The following ABLIM1 variants were observed in gnomAD, a reference collection of about 807,000 sequenced individuals.
ABLIM1 encodes actin-binding LIM protein 1.
In ABLIM1, 40 loss-of-function variants were observed where a neutral mutation model predicts 107.0. That is an observed-to-expected ratio of 0.37 (90% CI 0.29 to 0.49). The LOEUF (loss-of-function observed/expected upper bound fraction) is 0.49, where lower values mean the gene tolerates loss of function less well. Among genes scored for constraint, ABLIM1 ranks in the 20% least tolerant of loss-of-function variants. The probability of loss-of-function intolerance (pLI) is 0.97; values close to 1 mark genes in which losing one functional copy is unlikely to be tolerated. For synonymous variants in ABLIM1, 357 were observed against 357.3 expected (o/e 1.00, Z 0.01); for missense variants, 857 against 1,008.5 (o/e 0.85, Z 2.04).
chr10:114,571,461 C>T, intron 3 of ABLIM1, 55 bp from the exon 4 acceptor site: 1 of 1,541,782 alleles, frequency 6.5e-7, no homozygotes, highest in Non-Finnish European at 9.0e-7. Flanking sequence ...CATTCCTTTT[C>T]CTTATTCCTT....
At chr10:114,543,841 C>A (rs1372514590) in intron 6 of ABLIM1, among the ~76,000 whole-genome samples, 1 of 152,182 alleles carries the variant, frequency 6.6e-6, no homozygotes, top group Non-Finnish European at 1.5e-5. Context: ...GGTATTGCTC[C>A]CTCTTCCCAG....
At chr10:114,791,310 T>G in the ABLIM1 span, among the ~76,000 whole-genome samples, 3 of 152,306 alleles carry the variant, frequency 2.0e-5, no homozygotes, top group East Asian at 5.8e-4. Context: ...GCTCATCGTC[T>G]GCTTTTAAAG....
intron 6 of ABLIM1, among the ~76,000 whole-genome samples, chr10:114,517,619 G>A (rs1416867697): frequency 6.6e-6 from 1 of 152,162 alleles, no homozygotes; most frequent in Admixed American, 6.5e-5. Flanking sequence ...GGCGGGGAGG[G>A]GGGCCACAGT....
intron 1 of ABLIM1, among the ~76,000 whole-genome samples, chr10:114,639,802 G>T (rs768307678): frequency 6.6e-6 from 1 of 152,236 alleles, no homozygotes; most frequent in Non-Finnish European, 1.5e-5. Context: ...CATGTGAACA[G>T]ATGAGATGCG....
intron 6 of ABLIM1, among the ~76,000 whole-genome samples, chr10:114,536,223 C>CTTTCTTTTTTTCTTTTTTTTT: frequency 1.2e-5 from 1 of 80,428 alleles, no homozygotes; most frequent in Admixed American, 1.3e-4. Context: ...TTCCTTCTTT[C>CTTTCTTTTTTTCTTTTTTTTT]TTTGTTTTTT....
chr10:114,531,806 GC>G (rs1374642421), intron 6 of ABLIM1, among the ~76,000 whole-genome samples: 1 of 151,162 alleles, frequency 6.6e-6, no homozygotes, highest in Non-Finnish European at 1.5e-5. Context: ...GTGAGCCACC[GC>G]CCTCCACCAG....
At chr10:114,545,776 A>G (rs765095051) in intron 5 of ABLIM1, among the ~76,000 whole-genome samples, 1 of 151,748 alleles carries the variant, frequency 6.6e-6, no homozygotes, top group Non-Finnish European at 1.5e-5. Flanking sequence ...AAAAAAATAC[A>G]AAAATTAGCC....
intron 8 of ABLIM1, among the ~76,000 whole-genome samples, chr10:114,477,246 C>A (rs981539115): frequency 3.9e-5 from 6 of 152,126 alleles, no homozygotes; most frequent in African/African-American, 1.4e-4. Context: ...ATATTGAGAT[C>A]AAGTAGCAGA....
At chr10:114,715,860 T>A (rs1020225478) in intron 1 of ABLIM1, among the ~76,000 whole-genome samples, 6 of 152,208 alleles carry the variant, frequency 3.9e-5, no homozygotes, top group African/African-American at 1.4e-4. Context: ...AATTATTTCA[T>A]TTGCATAAGG....
chr10:114,519,518 G>A (rs890945761), intron 6 of ABLIM1, among the ~76,000 whole-genome samples: 4 of 152,192 alleles, frequency 2.6e-5, no homozygotes, highest in African/African-American at 9.7e-5. Context: ...CAATGAATCA[G>A]TCAGAAACTC....
At chr10:114,555,674 TGA>T (rs1276593712) in intron 4 of ABLIM1, among the ~76,000 whole-genome samples, 1 of 152,086 alleles carries the variant, frequency 6.6e-6, no homozygotes, top group Non-Finnish European at 1.5e-5. Flanking sequence ...GCTGAGACAC[TGA>T]GATAACTGAG....
chr10:114,791,733 T>C, the ABLIM1 span, among the ~76,000 whole-genome samples: 1 of 151,410 alleles, frequency 6.6e-6, no homozygotes, highest in African/African-American at 2.4e-5. Context: ...TATTTCAATA[T>C]ATAAAAAGGA....
chr10:114,436,177 A>G lies in ABLIM1; in HGVS notation c.*83T>C. On this transcript the variant is annotated 3_prime_UTR_variant, in exon 23 of 23. Coordinates refer to ENST00000533213, the MANE Select transcript of ABLIM1 (RefSeq NM_002313.7). ...AGCGACGGTAGTTTGCAAATTCTCC[A>G]ATCAAGTTTGGGCCTCAATATGACA... 1 of 1,107,038 alleles carries G rather than the reference A, an allele frequency of 9.0e-7. No homozygotes were observed. Among genetic ancestry groups the G allele is most frequent in the South Asian group, 1.5e-5 (1 of 66,016 alleles). The allele number at this position is 1,107,038 out of a possible 1,614,324, so 68.6% of individuals were successfully genotyped here. A position where few individuals can be genotyped will look rare whatever the true frequency, so the allele number is the denominator to read the frequency against.
intron 4 of ABLIM1, among the ~76,000 whole-genome samples, chr10:114,558,884 G>T (rs1481702131): frequency 7.5e-6 from 1 of 133,088 alleles, no homozygotes; most frequent in East Asian, 2.2e-4. Context: ...AAGGTTTCAG[G>T]TCCTGTCAGG....
At chr10:114,443,609 G>A (rs557997583) in intron 17 of ABLIM1, among the ~76,000 whole-genome samples, 154 of 149,164 alleles carry the variant, frequency 1.0e-3, no homozygotes, top group Non-Finnish European at 1.8e-3. Context: ...CACCGCACCC[G>A]GCCTCTATTG....
At chr10:114,593,456 A>G (rs2075115442) in intron 2 of ABLIM1, among the ~76,000 whole-genome samples, 1 of 152,090 alleles carries the variant, frequency 6.6e-6, no homozygotes, top group Non-Finnish European at 1.5e-5. Context: ...ATGCTCCCCA[A>G]ATCCCTTGGG....
At chr10:114,548,763 G>A (rs949113116) in intron 4 of ABLIM1, among the ~76,000 whole-genome samples, 1 of 152,214 alleles carries the variant, frequency 6.6e-6, no homozygotes, top group Non-Finnish European at 1.5e-5. Context: ...ATGTACCTGA[G>A]AGAATGAAAG....
chr10:114,547,604 C>A lies in ABLIM1; in HGVS notation c.800+46G>T, dbSNP rs559514178. ...ACCAGGACCTGCAGAAGAACCACAA[C>A]GCCCGGTGCCCACTGAAAGGAACGC... On this transcript the variant is annotated intron_variant, in intron 5 of 22. Coordinates refer to ENST00000533213, the MANE Select transcript of ABLIM1 (RefSeq NM_002313.7). 1.1e-5 allele frequency: 18 copies of A among 1,607,154 alleles called. No homozygotes were observed. The South Asian group carries it at 1.9e-4, about 17-fold the overall frequency.
At chr10:114,533,728 G>A (rs368129333) in intron 6 of ABLIM1, among the ~76,000 whole-genome samples, 48 of 152,234 alleles carry the variant, frequency 3.2e-4, no homozygotes, top group African/African-American at 8.9e-4. Flanking sequence ...GTGCAGTGGC[G>A]TGTGATCATA....
Sources: allele counts gnomAD v4.1 joint callset (sites outside exome capture counted in the v4.1 genomes callset), GRCh38; gene constraint gnomAD v4.1.1; transcripts MANE v1.5; gene names NCBI Gene and HGNC (gene_info 2026-07-23, HGNC 2026-07-21).